Variants in B4GALT7 observed in about 807,000 individuals in gnomAD.
B4GALT7 encodes beta-1,4-galactosyltransferase 7.
Under a neutral mutation model 33.0 loss-of-function variants are expected in B4GALT7, and 30 were observed. The ratio of observed to expected loss-of-function variants is 0.91; its 90% confidence interval spans 0.68 to 1.23. B4GALT7 has a LOEUF of 1.23. Ranked by LOEUF, B4GALT7 falls within the 50% of genes most tolerant of loss-of-function variation. B4GALT7 has a pLI of 0.00. For missense variants in B4GALT7, 507 were observed against 450.8 expected (o/e 1.12, Z -1.13); for synonymous variants, 213 against 187.2 (o/e 1.14, Z -1.13).
chr5:177,609,032 C>A lies in B4GALT7; in HGVS notation c.828+18C>A. The A allele has an allele frequency of 6.2e-7, 1 of 1,601,358 alleles. No individual in the cohort carries two copies. Among genetic ancestry groups the A allele is most frequent in the South Asian group, 1.1e-5 (1 of 90,860 alleles). ...AAAAACAGGTGCTGGCAGGGCTCCT[C>A]ATTGGGGACAGATAGGTGGTCATGT... On this transcript the variant is annotated intron_variant, in intron 5 of 5. Transcript: ENST00000029410.
Position 177,608,488 on chromosome 5 carries a change from C to T in B4GALT7, c.640-51C>T, listed in dbSNP as rs764225200. 8 of 502,346 alleles carry T rather than the reference C, an allele frequency of 1.6e-5. No individual in the cohort carries two copies. In the South Asian group the frequency reaches 1.9e-4, roughly 12 times the overall value. 31.1% of individuals were successfully genotyped at this position (502,346 alleles called of 1,614,324 possible). A position where few individuals can be genotyped will look rare whatever the true frequency, so the allele number is the denominator to read the frequency against. On this transcript the variant is annotated intron_variant, in intron 3 of 5. Coordinates refer to ENST00000029410, the MANE Select transcript of B4GALT7 (RefSeq NM_007255.3). The surrounding 1 kb of genome is among the most constrained non-coding windows in gnomAD (Gnocchi z 4.1). ...CTCCCGAGCGGTAGGAGACCAAAGGCCCCCCCCCCCGGGAAGATGGGCCGA... is the reference window on the plus strand; with the variant it reads ...CTCCCGAGCGGTAGGAGACCAAAGGTCCCCCCCCCCGGGAAGATGGGCCGA...
Position 177,606,531 on chromosome 5 carries a change from T to A in B4GALT7, c.414-771T>A, listed in dbSNP as rs1344348604. 6.5e-6 allele frequency: 1 copy of A among 153,386 alleles called. No homozygotes were observed. Among genetic ancestry groups the A allele is most frequent in the African/African-American group, 2.4e-5 (1 of 41,462 alleles). 9.5% of individuals were successfully genotyped at this position (153,386 alleles called of 1,614,324 possible). On this transcript the variant is annotated intron_variant, in intron 2 of 5. Coordinates refer to ENST00000029410, the MANE Select transcript of B4GALT7 (RefSeq NM_007255.3). This position sits in a 1 kb window ranked among gnomAD's most constrained non-coding sequence, Gnocchi z 4.2. ...TCCTGAGCTAGGCCACCTTCATCTT[T>A]TGGTCTCTCACCTAAATCATTGCCA...
At position 177,608,840 on chromosome 5, in the gene B4GALT7, C is replaced by T. The variant is rs1217635977; in HGVS notation, c.724-70C>T. Reference sequence around the variant, plus strand: ...GTGCAGGTCCCTTCCTGTGGGACCTCGGGAGCTGGTGGTGAGGGCTGGGGC... The same window carrying T: ...GTGCAGGTCCCTTCCTGTGGGACCTTGGGAGCTGGTGGTGAGGGCTGGGGC... On this transcript the variant is annotated intron_variant, in intron 4 of 5. Coordinates refer to ENST00000029410, the MANE Select transcript of B4GALT7 (RefSeq NM_007255.3). This position sits in a 1 kb window ranked among gnomAD's most constrained non-coding sequence, Gnocchi z 4.1. The T allele has an allele frequency of 5.0e-6, 7 of 1,390,282 alleles. No individual in the cohort carries two copies. The highest frequency in any genetic ancestry group is 3.5e-5 in the South Asian group (3 of 86,058). The allele number at this position is 1,390,282 out of a possible 1,614,324, so 86.1% of individuals were successfully genotyped here. A position where few individuals can be genotyped will look rare whatever the true frequency, so the allele number is the denominator to read the frequency against.
rs924727815 is a variant in B4GALT7, at chr5:177,606,754, C to G, written c.414-548C>G. The G allele has an allele frequency of 4.1e-6, 1 of 244,852 alleles. No individual in the cohort carries two copies. Among genetic ancestry groups the G allele is most frequent in the Non-Finnish European group, 8.1e-6 (1 of 122,742 alleles). The allele number at this position is 244,852 out of a possible 1,614,324, so 15.2% of individuals were successfully genotyped here. A position where few individuals can be genotyped will look rare whatever the true frequency, so the allele number is the denominator to read the frequency against. On this transcript the variant is annotated intron_variant, in intron 2 of 5. Coordinates refer to ENST00000029410, the MANE Select transcript of B4GALT7 (RefSeq NM_007255.3). The surrounding 1 kb of genome is among the most constrained non-coding windows in gnomAD (Gnocchi z 4.2). ...CCTTGTGCAGTCACTGTGTCACCCC[C>G]AACATCCCCACCTCTGCCCTCGCCC... is the stretch of plus-strand genomic sequence containing the variant.
chr5:177,603,978 G>A (rs1479411699), intron 1 of B4GALT7: 6 of 728,346 alleles, frequency 8.2e-6, no homozygotes, highest in African/African-American at 1.8e-5. Context: ...CGGGTGGCAT[G>A]GGTTGGGTCT....
Position 177,600,190 on chromosome 5 carries a change from G to C in B4GALT7, c.-21G>C. 1 of 1,349,228 alleles carries C rather than the reference G, an allele frequency of 7.4e-7. No individual in the cohort carries two copies. Among genetic ancestry groups the C allele is most frequent in the Non-Finnish European group, 9.6e-7 (1 of 1,044,534 alleles). 83.6% of individuals were successfully genotyped at this position (1,349,228 alleles called of 1,614,324 possible). On this transcript the variant is annotated 5_prime_UTR_variant, in exon 1 of 6. An upstream start codon of the reference 5' UTR is lost. Transcript: ENST00000029410. This position sits in a 1 kb window ranked among gnomAD's most constrained non-coding sequence, Gnocchi z 4.4. ...GCCGGGCTGCGAGCGCCTGCCCCAT[G>C]CGCCGCCGCCTCTCCGCACGATGTT... is the stretch of plus-strand genomic sequence containing the variant.
rs758676806 is a variant in B4GALT7, at chr5:177,608,547, G to A, written c.648G>A (p.Gly216=). 1.1e-5 allele frequency: 17 copies of A among 1,613,770 alleles called. No individual in the cohort carries two copies. The highest frequency in any genetic ancestry group is 8.5e-7 in the Non-Finnish European group (1 of 1,179,992). ...LSKQHYRLCN[G]MSNRFWGWGR... is the part of the protein sequence containing the mutation. ...GCTTGTCTCTGTGTCAGTGCAATGGGATGTCCAACCGCTTCTGGGGCTGGG... is the reference window on the plus strand; with the variant it reads ...GCTTGTCTCTGTGTCAGTGCAATGGAATGTCCAACCGCTTCTGGGGCTGGG... Residue 216 remains glycine (G), a synonymous_variant, in exon 4 of 6, where the codon GGG becomes GGA. Coordinates refer to ENST00000029410, the MANE Select transcript of B4GALT7 (RefSeq NM_007255.3). This position sits in a 1 kb window ranked among gnomAD's most constrained non-coding sequence, Gnocchi z 4.1.
At position 177,606,847 on chromosome 5, in the gene B4GALT7, C is replaced by G; in HGVS notation, c.414-455C>G. On this transcript the variant is annotated intron_variant, in intron 2 of 5. Coordinates refer to ENST00000029410, the MANE Select transcript of B4GALT7 (RefSeq NM_007255.3). This position sits in a 1 kb window ranked among gnomAD's most constrained non-coding sequence, Gnocchi z 4.2. ...AGTGCCATCTCTCCTATGCAGAGCC[C>G]TAGGCACCCACTGCCCTGTGGGTCA... is the stretch of plus-strand genomic sequence containing the variant. 6.2e-6 allele frequency: 2 copies of G among 322,726 alleles called. No individual in the cohort carries two copies. The highest frequency in any genetic ancestry group is 1.2e-5 in the Non-Finnish European group (2 of 162,964). The allele number at this position is 322,726 out of a possible 1,614,324, so 20.0% of individuals were successfully genotyped here.
chr5:177,605,136 CT>C, intron 2 of B4GALT7: 7 of 413,878 alleles, frequency 1.7e-5, no homozygotes, highest in Non-Finnish European at 2.9e-5. Flanking sequence ...AGACCCCCCC[CT>C]TTTCCCTGCC....
Position 177,608,339 on chromosome 5 carries a change from G to A in B4GALT7, c.640-200G>A. The stretch of plus-strand genomic sequence containing the variant: ...TTTGAGAAGGTGAGCCTCTCACACA[G>A]GTTCAAGGCCCCGTGAGAACGGGAG... On this transcript the variant is annotated intron_variant, in intron 3 of 5. Transcript: ENST00000029410. This position sits in a 1 kb window ranked among gnomAD's most constrained non-coding sequence, Gnocchi z 4.1. 1.7e-6 allele frequency: 1 copy of A among 592,178 alleles called. No homozygotes were observed. 36.7% of individuals were successfully genotyped at this position (592,178 alleles called of 1,614,324 possible). A position where few individuals can be genotyped will look rare whatever the true frequency, so the allele number is the denominator to read the frequency against.
chr5:177,600,350 C>A lies in B4GALT7; in HGVS notation c.50+90C>A. ...GGAATCTGGGAACCCGAGGCCATCACGTCTCCATGTCTGCGGGTTTCTGTG... is the reference window on the plus strand; with the variant it reads ...GGAATCTGGGAACCCGAGGCCATCAAGTCTCCATGTCTGCGGGTTTCTGTG... On this transcript the variant is annotated intron_variant, in intron 1 of 5. Coordinates refer to ENST00000029410, the MANE Select transcript of B4GALT7 (RefSeq NM_007255.3). This position sits in a 1 kb window ranked among gnomAD's most constrained non-coding sequence, Gnocchi z 4.4. The A allele has an allele frequency of 9.3e-7, 1 of 1,072,856 alleles. No individual in the cohort carries two copies. Among genetic ancestry groups the A allele is most frequent in the Non-Finnish European group, 1.2e-6 (1 of 836,340 alleles). 66.5% of individuals were successfully genotyped at this position (1,072,856 alleles called of 1,614,324 possible).
In B4GALT7 at chr5:177,609,567, G is replaced by A. The variant is rs751011692; in HGVS notation, c.856G>A (p.Gly286Ser). 7.4e-6 allele frequency: 12 copies of A among 1,613,504 alleles called. No homozygotes were observed. The highest frequency in any genetic ancestry group is 1.0e-5 in the Non-Finnish European group (12 of 1,180,040). ...GCAGTTCAAGGTGGACAGGGAGGGA[G>A]GCCTGAACACTGTGAAGTACCATGT... ...QEQFKVDREG[G>S]LNTVKYHVAS... Residue 286 changes from glycine to serine, a missense_variant, in exon 6 of 6, where the codon GGC becomes AGC. Physicochemically the swap from Gly to Ser is moderately conservative, Grantham distance 56. Transcript: ENST00000029410.
rs747688432 is a variant in B4GALT7 at position 177,604,262 on chromosome 5, C to A, written c.134C>A (p.Ser45Tyr). 6.2e-7 allele frequency: 1 copy of A among 1,613,544 alleles called. No individual in the cohort carries two copies. Among genetic ancestry groups the A allele is most frequent in the South Asian group, 1.1e-5 (1 of 91,020 alleles). ...GCCTGCCTCTCGCTGGGCTTCTTCT[C>A]CCTACTCTGGCTGCAGCTCAGCTGC... ...FVACLSLGFF[S>Y]LLWLQLSCSG... is the part of the protein sequence containing the mutation. Residue 45 changes from serine to tyrosine, a missense_variant, in exon 2 of 6, where the codon TCC becomes TAC. Transcript: ENST00000029410.
chr5:177,604,007 C>T (rs1233349247), intron 1 of B4GALT7, 172 bp from the exon 2 acceptor site: 5 of 974,962 alleles, frequency 5.1e-6, no homozygotes, highest in South Asian at 3.1e-5. Context: ...AAGCAGGATT[C>T]GGATGCATGG....
In B4GALT7 at chr5:177,608,674, ATTTTCTTCTGTTTCC is replaced by A. The variant is rs766465508; in HGVS notation, c.723+54_723+68del. ...CCTCAGCTGCGGTGGCTGCCCTGAG[ATTTTCTTCTGTTTCC>A]TCAGATGAAGCTCCTGGGGTCTGGA... is the stretch of plus-strand genomic sequence containing the variant. On this transcript the variant is annotated intron_variant, in intron 4 of 5. Coordinates refer to ENST00000029410, the MANE Select transcript of B4GALT7 (RefSeq NM_007255.3). The surrounding 1 kb of genome is among the most constrained non-coding windows in gnomAD (Gnocchi z 4.1). 3.9e-6 allele frequency: 6 copies of A among 1,541,906 alleles called. No individual in the cohort carries two copies. Among genetic ancestry groups the A allele is most frequent in the Non-Finnish European group, 5.4e-6 (6 of 1,119,944 alleles).
chr5:177,600,497 T>C lies in B4GALT7; in HGVS notation c.50+237T>C, dbSNP rs570489534. ...CGGCACTCGTCCTTCCCCCAGCACC[T>C]TCCCCCCGGCCCGTGGGTCCGTATT... On this transcript the variant is annotated intron_variant, in intron 1 of 5. Transcript: ENST00000029410. This position sits in a 1 kb window ranked among gnomAD's most constrained non-coding sequence, Gnocchi z 4.4. Among the ~76,000 whole-genome samples the C allele has an allele frequency of 2.1e-5, 2 of 93,760 alleles. No individual in the cohort carries two copies. The highest frequency in any genetic ancestry group is 8.5e-5 in the African/African-American group (2 of 23,634). The allele number at this position is 93,760 out of a possible 152,430, so 61.5% of individuals were successfully genotyped here.
Position 177,608,744 on chromosome 5 carries a change from C to T in B4GALT7, c.723+122C>T. ...GCCCTGATTCTGATCCCTGCCCTAA[C>T]CCTGCCCTGCATGGTCATCTAGCCA... On this transcript the variant is annotated intron_variant, in intron 4 of 5. Coordinates refer to ENST00000029410, the MANE Select transcript of B4GALT7 (RefSeq NM_007255.3). This position sits in a 1 kb window ranked among gnomAD's most constrained non-coding sequence, Gnocchi z 4.1. The T allele has an allele frequency of 8.7e-7, 1 of 1,145,760 alleles. No individual in the cohort carries two copies. Among genetic ancestry groups the T allele is most frequent in the Non-Finnish European group, 1.3e-6 (1 of 778,010 alleles). 71.0% of individuals were successfully genotyped at this position (1,145,760 alleles called of 1,614,324 possible). A position where few individuals can be genotyped will look rare whatever the true frequency, so the allele number is the denominator to read the frequency against.
In B4GALT7 at chr5:177,607,398, C is replaced by G; in HGVS notation, c.510C>G (p.Asn170Lys). 6.2e-7 allele frequency: 1 copy of G among 1,614,094 alleles called. No homozygotes were observed. The highest frequency in any genetic ancestry group is 1.1e-5 in the South Asian group (1 of 91,088). ...ACGACGTTGACCTGCTCCCTCTCAACGAGGAGCTGGACTATGGCTTTCCTG... is the reference window on the plus strand; with the variant it reads ...ACGACGTTGACCTGCTCCCTCTCAAGGAGGAGCTGGACTATGGCTTTCCTG... ...AMHDVDLLPL[N>K]EELDYGFPEA... Residue 170 changes from asparagine to lysine, a missense_variant, in exon 3 of 6, where the codon AAC (asparagine) becomes AAG (lysine). Asn to Lys is a moderately conservative substitution (Grantham distance 94, BLOSUM62 0). Transcript: ENST00000029410.
chr5:177,605,032 C>A (rs1332551705), intron 2 of B4GALT7: 2 of 456,008 alleles, frequency 4.4e-6, no homozygotes, highest in African/African-American at 4.0e-5. Flanking sequence ...GCCCCCACCT[C>A]CTTTCCCTCT....
Sources: gnomAD v4.1 joint callset for allele counts (sites outside exome capture counted in the v4.1 genomes callset) on GRCh38, gnomAD v4.1.1 for gene constraint, Gnocchi (gnomAD v3.1) non-coding constraint, MANE v1.5 for transcripts, NCBI Gene and HGNC (gene_info 2026-07-23, HGNC 2026-07-21) for gene names.